ACTR3C: variants seen among roughly 807,000 people sequenced by gnomAD.
ACTR3C encodes actin-related protein 3C.
In ACTR3C, 18 loss-of-function variants were observed where a neutral mutation model predicts 26.3. That is an observed-to-expected ratio of 0.68 (90% confidence interval 0.47 to 1.01). The LOEUF is 1.01. Ranked by LOEUF, ACTR3C falls within the 50% of genes least tolerant of loss-of-function variation. ACTR3C has a pLI of 0.00. For synonymous variants in ACTR3C, 55 were observed against 94.5 expected, an observed-to-expected ratio of 0.58 and a Z score of 2.42; for missense variants, 184 against 250.7, an observed-to-expected ratio of 0.73 and a Z score of 1.80.
the ACTR3C span, among the ~76,000 whole-genome samples, chr7:150,183,012 A>G: frequency 8.6e-5 from 13 of 150,926 alleles, 1 homozygote; most frequent in African/African-American, 2.7e-4. Context: ...AGATTGATGA[A>G]TTAGGGTTTG....
At chr7:150,078,259 G>T in the ACTR3C span, among the ~76,000 whole-genome samples, 3 of 147,534 alleles carry the variant, frequency 2.0e-5, no homozygotes, top group Non-Finnish European at 4.5e-5. Context: ...AAAGGCAAAT[G>T]CAAGTGTCCC....
the ACTR3C span, among the ~76,000 whole-genome samples, chr7:150,221,170 T>C: frequency 2.6e-5 from 4 of 152,238 alleles, no homozygotes; most frequent in African/African-American, 7.2e-5. Flanking sequence ...GTGCCATTGG[T>C]TGGCGGCCCA....
chr7:150,125,481 G>A, the ACTR3C span, among the ~76,000 whole-genome samples: 3 of 150,946 alleles, frequency 2.0e-5, no homozygotes, highest in East Asian at 5.9e-4. Flanking sequence ...GGGGGTGGGT[G>A]GGGGGTCCTG....
intron 6 of ACTR3C, among the ~76,000 whole-genome samples, chr7:150,277,532 T>A (rs1351823156): frequency 1.3e-5 from 2 of 152,170 alleles, no homozygotes; most frequent in South Asian, 2.1e-4. Context: ...AATCTCTATG[T>A]CTGGCCCAGA....
the ACTR3C span, among the ~76,000 whole-genome samples, chr7:150,072,840 C>T: frequency 1.3e-5 from 2 of 151,806 alleles, no homozygotes; most frequent in Non-Finnish European, 2.9e-5. Context: ...AAGGAAGATA[C>T]TGGAAGAGGA....
chr7:150,057,276 CTTTT>C, the ACTR3C span, among the ~76,000 whole-genome samples: 14 of 113,950 alleles, frequency 1.2e-4, no homozygotes, highest in Non-Finnish European at 1.9e-4. Context: ...GGAATAGGTC[CTTTT>C]TTTTTTTTTT....
At chr7:149,983,697 C>T in the ACTR3C span, among the ~76,000 whole-genome samples, 2 of 151,544 alleles carry the variant, frequency 1.3e-5, no homozygotes, top group Non-Finnish European at 2.9e-5. Context: ...CAGCATTATT[C>T]ATAATAGCCC....
the ACTR3C span, among the ~76,000 whole-genome samples, chr7:149,927,089 G>A: frequency 1.3e-5 from 2 of 150,938 alleles, no homozygotes; most frequent in Non-Finnish European, 2.9e-5. Context: ...TTTTTAAGGT[G>A]TGCACTTTTA....
the ACTR3C span, among the ~76,000 whole-genome samples, chr7:150,093,171 A>C: frequency 1.3e-5 from 2 of 151,140 alleles, 1 homozygote; most frequent in African/African-American, 4.9e-5. Context: ...CAAGAGAAGC[A>C]ATTAGAGGTG....
the ACTR3C span, among the ~76,000 whole-genome samples, chr7:150,059,049 C>T: frequency 1.3e-5 from 2 of 152,174 alleles, no homozygotes; most frequent in African/African-American, 4.8e-5. Context: ...AGATAAAATC[C>T]CCCGGGCTTA....
chr7:150,092,896 GA>G, the ACTR3C span, among the ~76,000 whole-genome samples: 14 of 151,452 alleles, frequency 9.2e-5, no homozygotes, highest in African/African-American at 3.2e-4. Context: ...ATTGGCTCCA[GA>G]ACCCCCTGTG....
chr7:150,199,459 CAAA>C, the ACTR3C span, among the ~76,000 whole-genome samples: 1 of 101,504 alleles, frequency 9.9e-6, no homozygotes, highest in Admixed American at 1.0e-4. Flanking sequence ...ATCAGGGACA[CAAA>C]CACTGCGGAA....
the ACTR3C span, among the ~76,000 whole-genome samples, chr7:150,153,032 CTTCT>C: frequency 6.6e-6 from 1 of 151,984 alleles, no homozygotes; most frequent in Non-Finnish European, 1.5e-5. Context: ...TCTCTCTTTT[CTTCT>C]TTATTAGTCT....
the ACTR3C span, among the ~76,000 whole-genome samples, chr7:149,998,774 G>A: frequency 6.6e-6 from 1 of 150,390 alleles, no homozygotes; most frequent in Non-Finnish European, 1.5e-5. Flanking sequence ...TCAAGAGGTG[G>A]AGCCTTGTGT....
At chr7:150,107,162 G>A in the ACTR3C span, among the ~76,000 whole-genome samples, 1 of 145,922 alleles carries the variant, frequency 6.9e-6, no homozygotes, top group Non-Finnish European at 1.5e-5. Flanking sequence ...GCTGTGGTTT[G>A]TTGTCATTTG....
At chr7:150,088,667 G>GT in the ACTR3C span, among the ~76,000 whole-genome samples, 1 of 152,038 alleles carries the variant, frequency 6.6e-6, no homozygotes, top group Non-Finnish European at 1.5e-5. Flanking sequence ...AGTGATAGGT[G>GT]TTTTTGACAT....
At chr7:150,077,647 G>T in the ACTR3C span, among the ~76,000 whole-genome samples, 2 of 152,160 alleles carry the variant, frequency 1.3e-5, no homozygotes, top group African/African-American at 4.8e-5. Flanking sequence ...TCTTCCTCCT[G>T]GAGGAGAAGG....
At chr7:150,109,135 G>A in the ACTR3C span, among the ~76,000 whole-genome samples, 2 of 151,960 alleles carry the variant, frequency 1.3e-5, no homozygotes, top group African/African-American at 4.8e-5. Context: ...GTAACCAGGG[G>A]AAAGAAGACT....
chr7:150,085,462 G>A, the ACTR3C span, among the ~76,000 whole-genome samples: 1 of 152,076 alleles, frequency 6.6e-6, no homozygotes, highest in Non-Finnish European at 1.5e-5. Flanking sequence ...TACATCAAAC[G>A]TGGCTGAAAA....
Sources: allele counts gnomAD v4.1 joint callset (sites outside exome capture counted in the v4.1 genomes callset), GRCh38; gene constraint gnomAD v4.1.1; transcripts MANE v1.5; gene names NCBI Gene and HGNC (gene_info 2026-07-23, HGNC 2026-07-21).